Variants in CNTN5 observed in about 807,000 individuals in gnomAD.
CNTN5 encodes contactin 5, also known as contactin-5.
CNTN5 carries 77 observed loss-of-function variants against 129.1 expected under a neutral mutation model. The ratio of observed to expected loss-of-function variants is 0.60; its 90% CI spans 0.50 to 0.72. The LOEUF (loss-of-function observed/expected upper bound fraction) is 0.72. CNTN5 is among the 30% of genes least tolerant of loss of function. The pLI is 0.00. For missense variants in CNTN5, 1,478 were observed against 1,328.8 expected, an observed-to-expected ratio of 1.11 and a Z score of -1.75; for synonymous variants, 509 against 465.6, an observed-to-expected ratio of 1.09 and a Z score of -1.20.
chr11:100,147,904 G>C (rs991732718), intron 13 of CNTN5, among the ~76,000 whole-genome samples: 2 of 152,014 alleles, frequency 1.3e-5, no homozygotes, highest in Non-Finnish European at 2.9e-5. Context: ...TCTCTCTAGG[G>C]AGTGTTTCTA....
chr11:99,237,382 C>T (rs562746746), intron 1 of CNTN5, among the ~76,000 whole-genome samples: 1 of 152,224 alleles, frequency 6.6e-6, no homozygotes, highest in African/African-American at 2.4e-5. Context: ...TTTACTTAGT[C>T]ATTTAATAAG....
intron 14 of CNTN5, among the ~76,000 whole-genome samples, chr11:100,192,084 G>A (rs899509373): frequency 6.6e-6 from 1 of 151,898 alleles, no homozygotes; most frequent in Non-Finnish European, 1.5e-5. Flanking sequence ...TTTTAGAAGA[G>A]AGAACATCAA....
chr11:99,710,400 G>T (rs2134947769), intron 3 of CNTN5, among the ~76,000 whole-genome samples: 1 of 151,890 alleles, frequency 6.6e-6, no homozygotes, highest in Middle Eastern at 3.4e-3. Context: ...CCATACTGTT[G>T]TAGCATTAAG....
chr11:99,690,033 G>C (rs1365575966), intron 3 of CNTN5, among the ~76,000 whole-genome samples: 3 of 152,184 alleles, frequency 2.0e-5, no homozygotes, highest in South Asian at 4.2e-4. Flanking sequence ...ATACTGCCTA[G>C]TTTTCATCTA....
chr11:100,289,304 G>C (rs7126142), intron 18 of CNTN5, among the ~76,000 whole-genome samples: 41 of 152,030 alleles, frequency 2.7e-4, no homozygotes, highest in East Asian at 1.2e-3. Flanking sequence ...GAGACACAAC[G>C]AACAAAGAGA....
intron 13 of CNTN5, among the ~76,000 whole-genome samples, chr11:100,165,035 G>A (rs532575773): frequency 1.3e-5 from 2 of 151,894 alleles, no homozygotes; most frequent in South Asian, 4.1e-4. Flanking sequence ...CAGCTAAGGA[G>A]TTGTCTGTTG....
chr11:99,733,202 A>T (rs7483471), intron 3 of CNTN5, among the ~76,000 whole-genome samples: 2 of 151,920 alleles, frequency 1.3e-5, no homozygotes, highest in African/African-American at 4.8e-5. Flanking sequence ...GGGTGCCTGT[A>T]ATCCCATCTA....
rs549670138 is a variant in CNTN5, at chr11:99,281,598, A to C, written c.-209-43748A>C. On this transcript the variant is annotated intron_variant, in intron 1 of 24. Coordinates refer to ENST00000524871, the MANE Select transcript of CNTN5 (RefSeq NM_014361.4). ...CTGACTCACCTGCTTTCATTTATGA[A>C]ACTCACGGTCTTTATAACTTCTATG... 4.6e-5 allele frequency among the ~76,000 whole-genome samples: 7 copies of C among 152,020 alleles called. No individual in the cohort carries two copies. The South Asian group carries it at 1.0e-3, about 22-fold the overall frequency.
At chr11:99,206,204 T>G (rs1859472055) in intron 1 of CNTN5, among the ~76,000 whole-genome samples, 1 of 152,150 alleles carries the variant, frequency 6.6e-6, no homozygotes, top group Non-Finnish European at 1.5e-5. Flanking sequence ...TAGATTTATT[T>G]CCGAAAGATT....
At chr11:100,110,154 T>G (rs1803117424) in intron 13 of CNTN5, among the ~76,000 whole-genome samples, 2 of 146,962 alleles carry the variant, frequency 1.4e-5, no homozygotes, top group South Asian at 4.2e-4. Context: ...GCCACTGTAC[T>G]CCATCCTGGG....
intron 3 of CNTN5, among the ~76,000 whole-genome samples, chr11:99,784,272 T>C (rs181853294): frequency 4.5e-4 from 69 of 152,190 alleles, no homozygotes; most frequent in Admixed American, 4.3e-3. Context: ...TTACATTAGG[T>C]ATTTCTCCTA....
chr11:99,794,750 C>T (rs1945872713), intron 3 of CNTN5, among the ~76,000 whole-genome samples: 2 of 152,120 alleles, frequency 1.3e-5, no homozygotes, highest in Admixed American at 6.5e-5. Context: ...AATATAGGCT[C>T]CCTATGTTTT....
At chr11:99,116,378 T>C (rs1364247666) in intron 1 of CNTN5, among the ~76,000 whole-genome samples, 1 of 152,208 alleles carries the variant, frequency 6.6e-6, no homozygotes, top group Non-Finnish European at 1.5e-5. Context: ...AATTCTATTA[T>C]GTCCTAGTAG....
At chr11:99,422,227 C>G (rs1261858535) in intron 2 of CNTN5, among the ~76,000 whole-genome samples, 1 of 152,044 alleles carries the variant, frequency 6.6e-6, no homozygotes, top group African/African-American at 2.4e-5. Flanking sequence ...GTCATAAAAT[C>G]ATCATAATAT....
At chr11:99,788,842 A>C (rs1447770009) in intron 3 of CNTN5, among the ~76,000 whole-genome samples, 1 of 151,896 alleles carries the variant, frequency 6.6e-6, no homozygotes, top group African/African-American at 2.4e-5. Flanking sequence ...TCTATTTTAT[A>C]TACGGGGAAT....
chr11:99,151,514 T>C (rs1860056998), intron 1 of CNTN5, among the ~76,000 whole-genome samples: 1 of 152,184 alleles, frequency 6.6e-6, no homozygotes, highest in African/African-American at 2.4e-5. Flanking sequence ...GCCATGAGTA[T>C]ATTTTGAATA....
intron 9 of CNTN5, among the ~76,000 whole-genome samples, chr11:100,009,480 G>C (rs1351821576): frequency 1.3e-5 from 2 of 151,982 alleles, no homozygotes; most frequent in Non-Finnish European, 2.9e-5. Context: ...GGATTAATTA[G>C]TTGGAAAGAA....
intron 1 of CNTN5, among the ~76,000 whole-genome samples, chr11:99,022,476 C>G (rs552857983): frequency 6.6e-6 from 1 of 152,038 alleles, no homozygotes; most frequent in African/African-American, 2.4e-5. Context: ...TTGAGCAATT[C>G]TCATGGTTGC....
At chr11:99,748,241 C>A (rs761914531) in intron 3 of CNTN5, among the ~76,000 whole-genome samples, 14 of 151,800 alleles carry the variant, frequency 9.2e-5, no homozygotes, top group Admixed American at 6.6e-4. Context: ...GTAAGCATTC[C>A]CTCCTCTTTA....
Sources: allele counts gnomAD v4.1 joint callset (sites outside exome capture counted in the v4.1 genomes callset), GRCh38; gene constraint gnomAD v4.1.1; transcripts MANE v1.5; gene names NCBI Gene and HGNC (gene_info 2026-07-23, HGNC 2026-07-21).